The following TMEM219 variants were observed in gnomAD, a reference collection of about 807,000 sequenced individuals.
The protein encoded by TMEM219 is transmembrane protein 219, also known as insulin-like growth factor-binding protein 3 receptor.
TMEM219 carries 18 observed loss-of-function variants against 17.9 expected under a neutral mutation model. The observed-to-expected ratio is 1.01, with a 90% confidence interval of 0.70 to 1.49. TMEM219 has a LOEUF of 1.49. Among genes scored for constraint, TMEM219 ranks in the 40% most tolerant of loss-of-function variants. TMEM219 has a pLI of 0.00. For synonymous variants in TMEM219, 113 were observed against 124.0 expected, an observed-to-expected ratio of 0.91 and a Z score of 0.59; for missense variants, 288 against 292.4, an observed-to-expected ratio of 0.99 and a Z score of 0.11.
chr16:29,968,999 G>A (rs1173464900), intron 4 of TMEM219, among the ~76,000 whole-genome samples: 5 of 152,060 alleles, frequency 3.3e-5, no homozygotes, highest in Non-Finnish European at 7.3e-5. Context: ...TGCAGTAGAG[G>A]AGGTTCAGGA....
chr16:29,962,881 G>T, intron 1 of TMEM219: 2 of 492,292 alleles, frequency 4.1e-6, no homozygotes, highest in Non-Finnish European at 7.4e-6. Flanking sequence ...CTTCCAGCAC[G>T]GAGTACACTG....
intron 4 of TMEM219, 172 bp downstream of exon 4, chr16:29,968,426 C>A: frequency 1.7e-6 from 1 of 578,538 alleles, no homozygotes; most frequent in Non-Finnish European, 3.1e-6. Flanking sequence ...TGTCAGCATC[C>A]TCATCTGTAA....
chr16:29,964,685 CA>C (rs71373219), intron 3 of TMEM219, among the ~76,000 whole-genome samples: 2,201 of 141,296 alleles, frequency 0.016, 16 homozygotes, highest in Non-Finnish European at 0.023. Flanking sequence ...CACCCTGCGC[CA>C]AAAAAAAAAA....
At chr16:29,971,636 T>C in intron 5 of TMEM219, 58 bp downstream of exon 5, 2 of 1,316,950 alleles carry the variant, frequency 1.5e-6, no homozygotes, top group Non-Finnish European at 2.1e-6. Flanking sequence ...GTGGGGGTTG[T>C]AACCGGGGTA....
At chr16:29,969,012 G>A (rs371760245) in intron 4 of TMEM219, among the ~76,000 whole-genome samples, 1 of 152,032 alleles carries the variant, frequency 6.6e-6, no homozygotes, top group East Asian at 1.9e-4. Flanking sequence ...GTTCAGGAGA[G>A]GGGGAGGTAC....
rs1291869346 is a variant in TMEM219, at chr16:29,963,192, C to T, written c.49C>T (p.His17Tyr). Residue 17 changes from histidine (H) to tyrosine (Y), a missense_variant, in exon 2 of 6, where the codon CAC becomes TAC. Physicochemically the swap from His to Tyr is moderately conservative, Grantham distance 83. Transcript: ENST00000279396. ...CAACCTGCACCTGTGTCTGGCCCAC[C>T]ACCCACCTCTGGTCTGTGCCACTTT... ...GHNLHLCLAH[H>Y]PPLVCATLIL... The T allele has an allele frequency of 3.7e-6, 6 of 1,613,616 alleles. No individual in the cohort carries two copies. The East Asian group carries it at 8.9e-5, about 24-fold the overall frequency.
At chr16:29,967,898 G>A in intron 3 of TMEM219, 127 bp from the exon 4 acceptor site, 1 of 711,126 alleles carries the variant, frequency 1.4e-6, no homozygotes, top group African/African-American at 1.8e-5. Context: ...CTGCACTCCA[G>A]CCTGGGTGAT....
chr16:29,964,664 G>A (rs1596576574), intron 3 of TMEM219, among the ~76,000 whole-genome samples: 3 of 143,466 alleles, frequency 2.1e-5, no homozygotes, highest in African/African-American at 7.7e-5. Context: ...CCCGCCCCGC[G>A]CCCCCCCCAC....
intron 4 of TMEM219, among the ~76,000 whole-genome samples, chr16:29,970,164 G>T (rs2150866399): frequency 6.6e-6 from 1 of 151,586 alleles, no homozygotes; most frequent in African/African-American, 2.4e-5. Flanking sequence ...AACCTGGGAG[G>T]CAGAGGTTGT....
At chr16:29,968,281 G>A in intron 4 of TMEM219, 27 bp downstream of exon 4, 1 of 1,582,898 alleles carries the variant, frequency 6.3e-7, no homozygotes, top group Non-Finnish European at 8.7e-7. Context: ...GGTCGCCAGG[G>A]TTTTGTAGAC....
At position 29,963,560 on chromosome 16, in the gene TMEM219, C is replaced by G. The variant is rs1024207444; in HGVS notation, c.326C>G (p.Thr109Arg). The G allele has an allele frequency of 6.2e-7, 1 of 1,614,108 alleles. No individual in the cohort carries two copies. The highest frequency in any genetic ancestry group is 8.5e-7 in the Non-Finnish European group (1 of 1,180,022). The change falls in exon 3 of 6, where the codon ACA (threonine) becomes AGA (arginine). Residue 109 changes from threonine (T) to arginine (R), a missense_variant. Physicochemically the swap from Thr to Arg is moderately conservative, Grantham distance 71 (BLOSUM62 -1). Coordinates refer to ENST00000279396, the MANE Select transcript of TMEM219 (RefSeq NM_001083613.2). Reference sequence around the variant, plus strand: ...AACAAGACCCGGACATTCCAGGCCACAGTCCTGGGAAGTCAGATGGGATTG... The same window carrying G: ...AACAAGACCCGGACATTCCAGGCCAGAGTCCTGGGAAGTCAGATGGGATTG... ...DRNKTRTFQA[T>R]VLGSQMGLKG...
At chr16:29,965,597 G>A (rs908373694) in intron 3 of TMEM219, among the ~76,000 whole-genome samples, 45 of 151,520 alleles carry the variant, frequency 3.0e-4, no homozygotes, top group African/African-American at 1.0e-3. Context: ...CAGGCGTGGT[G>A]GTGCACACCT....
chr16:29,968,678 A>T (rs888816317), intron 4 of TMEM219: 3 of 166,824 alleles, frequency 1.8e-5, no homozygotes, highest in African/African-American at 7.2e-5. Context: ...CAGAGAAAGG[A>T]GCCATTAACC....
chr16:29,970,394 A>G (rs1490217739), intron 4 of TMEM219, among the ~76,000 whole-genome samples: 1 of 142,702 alleles, frequency 7.0e-6, no homozygotes, highest in East Asian at 2.1e-4. Context: ...GCGCAATCTC[A>G]GCTTACTGCA....
At chr16:29,963,347 C>G in intron 2 of TMEM219, 39 bp downstream of exon 2, 1 of 1,613,902 alleles carries the variant, frequency 6.2e-7, no homozygotes, top group East Asian at 2.2e-5. Context: ...TCCTTCCAAC[C>G]TAGACAGGCT....
chr16:29,963,612 G>T, intron 3 of TMEM219, 23 bp downstream of exon 3: 1 of 1,607,028 alleles, frequency 6.2e-7, no homozygotes, highest in Non-Finnish European at 8.5e-7. Context: ...GCTGGGTGTG[G>T]TGGCTCACGC....
intron 5 of TMEM219, 38 bp downstream of exon 5, chr16:29,971,616 T>TTTG: frequency 7.8e-6 from 4 of 512,654 alleles, no homozygotes; most frequent in East Asian, 8.2e-5. Context: ...GAGCAGGGAA[T>TTTG]GGGGTGGGGG....
chr16:29,968,281 GT>G, intron 4 of TMEM219, 27 bp downstream of exon 4: 1 of 1,582,898 alleles, frequency 6.3e-7, no homozygotes, highest in Non-Finnish European at 8.7e-7. Context: ...GGTCGCCAGG[GT>G]TTTGTAGACT....
At chr16:29,967,107 A>G (rs1003871985) in intron 3 of TMEM219, among the ~76,000 whole-genome samples, 5 of 152,194 alleles carry the variant, frequency 3.3e-5, no homozygotes, top group South Asian at 2.1e-4. Context: ...GACATGGGCA[A>G]TGTGTATCTG....
Sources: gnomAD v4.1 joint callset for allele counts (sites outside exome capture counted in the v4.1 genomes callset) on GRCh38, gnomAD v4.1.1 for gene constraint, MANE v1.5 for transcripts, NCBI Gene and HGNC (gene_info 2026-07-23, HGNC 2026-07-21) for gene names.